Variants in ERLIN1 observed in about 807,000 individuals in gnomAD.
The protein encoded by ERLIN1 is ER lipid raft associated 1.
A neutral mutation model predicts 46.9 loss-of-function variants in ERLIN1; 24 were observed. The ratio of observed to expected loss-of-function variants is 0.51; its 90% CI spans 0.37 to 0.72. The LOEUF is 0.72. ERLIN1 is among the 30% of genes least tolerant of loss of function. The probability of loss-of-function intolerance (pLI) is 0.00; values close to 1 mark genes in which losing one functional copy is unlikely to be tolerated. For synonymous variants in ERLIN1, 158 were observed against 143.2 expected, an observed-to-expected ratio of 1.10 and a Z score of -0.74; for missense variants, 293 against 417.9, an observed-to-expected ratio of 0.70 and a Z score of 2.61.
intron 6 of ERLIN1, among the ~76,000 whole-genome samples, 152 bp from the exon 7 acceptor site, chr10:100,167,558 C>T (rs1464111931): frequency 6.6e-6 from 1 of 152,172 alleles, no homozygotes; most frequent in Non-Finnish European, 1.5e-5. Context: ...CCCACCAGAA[C>T]ATTTACTTTT....
rs952480866 is a variant in ERLIN1, at chr10:100,151,893, G to T, written c.*238C>A. On this transcript the variant is annotated 3_prime_UTR_variant, in exon 11 of 11. Coordinates refer to ENST00000421367, the MANE Select transcript of ERLIN1 (RefSeq NM_006459.4). The stretch of plus-strand genomic sequence containing the variant: ...AGCATCAGACTTTCCTCATTCATGA[G>T]TAGCAGTTTAGAAAGGAATACATAT... 3 of 543,902 alleles carry T rather than the reference G, an allele frequency of 5.5e-6. No homozygotes were observed. Among genetic ancestry groups the T allele is most frequent in the Non-Finnish European group, 1.0e-5 (3 of 299,654 alleles). The allele number at this position is 543,902 out of a possible 1,614,324, so 33.7% of individuals were successfully genotyped here.
intron 2 of ERLIN1, among the ~76,000 whole-genome samples, chr10:100,182,230 A>G (rs946724450): frequency 3.5e-4 from 47 of 135,800 alleles, no homozygotes; most frequent in African/African-American, 1.2e-3. Context: ...GAGTTTCCCC[A>G]TGTTGCCCAG....
intron 8 of ERLIN1, among the ~76,000 whole-genome samples, chr10:100,159,599 G>A (rs1181190736): frequency 6.6e-6 from 1 of 150,866 alleles, no homozygotes; most frequent in Admixed American, 6.6e-5. Flanking sequence ...TAGTAACACT[G>A]GAAATCAACA....
intron 6 of ERLIN1, among the ~76,000 whole-genome samples, chr10:100,170,866 G>A (rs1046710219): frequency 5.3e-5 from 8 of 152,190 alleles, no homozygotes; most frequent in African/African-American, 1.9e-4. Context: ...GAAGATCAAT[G>A]GAACAGAACT....
intron 7 of ERLIN1, 45 bp downstream of exon 7, chr10:100,167,303 G>C (rs756126708): frequency 3.7e-6 from 5 of 1,351,820 alleles, no homozygotes; most frequent in Non-Finnish European, 5.3e-6. Context: ...TTAATATGCA[G>C]ACAGCCCTAA....
At chr10:100,184,322 C>A (rs1339533470) in intron 1 of ERLIN1, among the ~76,000 whole-genome samples, 1 of 151,858 alleles carries the variant, frequency 6.6e-6, no homozygotes, top group Non-Finnish European at 1.5e-5. Flanking sequence ...AATTAAAATA[C>A]TGGGAACATA....
At chr10:100,152,894 A>G (rs968911775) in intron 10 of ERLIN1, among the ~76,000 whole-genome samples, 2 of 151,794 alleles carry the variant, frequency 1.3e-5, no homozygotes, top group African/African-American at 4.8e-5. Flanking sequence ...TCTGTTGCCC[A>G]GGCTGGAATA....
chr10:100,162,319 A>C (rs1254708348), intron 8 of ERLIN1, among the ~76,000 whole-genome samples: 1 of 152,214 alleles, frequency 6.6e-6, no homozygotes, highest in Non-Finnish European at 1.5e-5. Context: ...AGGGAAATTC[A>C]AATTGAAATT....
chr10:100,163,926 G>A, intron 8 of ERLIN1, 78 bp downstream of exon 8: 1 of 909,350 alleles, frequency 1.1e-6, no homozygotes, highest in Non-Finnish European at 1.7e-6. Context: ...TGAGTCCCAT[G>A]ATACCCAAAA....
intron 7 of ERLIN1, 46 bp downstream of exon 7, chr10:100,167,293 TTAATATGCA>T: frequency 7.9e-7 from 1 of 1,263,874 alleles, no homozygotes; most frequent in Non-Finnish European, 1.2e-6. Flanking sequence ...GACTGGAATA[TTAATATGCA>T]GACAGCCCTA....
intron 2 of ERLIN1, among the ~76,000 whole-genome samples, chr10:100,182,148 G>C (rs1041245629): frequency 6.7e-6 from 1 of 150,008 alleles, no homozygotes; most frequent in Non-Finnish European, 1.5e-5. Flanking sequence ...GGCAGAGACA[G>C]ATCTACCTGG....
intron 5 of ERLIN1, among the ~76,000 whole-genome samples, chr10:100,174,617 T>A (rs981275607): frequency 3.7e-4 from 56 of 152,314 alleles, no homozygotes; most frequent in Admixed American, 9.1e-4. Context: ...AATATGTTGA[T>A]CTAATAAATG....
intron 1 of ERLIN1, among the ~76,000 whole-genome samples, chr10:100,184,264 AAG>A (rs1310466914): frequency 6.6e-6 from 1 of 152,254 alleles, no homozygotes; most frequent in Non-Finnish European, 1.5e-5. Context: ...CTTTGAAGTA[AAG>A]AGAAAATTTC....
intron 1 of ERLIN1, among the ~76,000 whole-genome samples, chr10:100,184,590 G>A (rs1378029389): frequency 6.6e-6 from 1 of 152,174 alleles, no homozygotes; most frequent in Admixed American, 6.5e-5. Flanking sequence ...AAGGAAAGAT[G>A]AACTGTTTGA....
intron 1 of ERLIN1, 36 bp downstream of exon 1, chr10:100,185,478 G>A: frequency 6.7e-7 from 1 of 1,495,260 alleles, no homozygotes; most frequent in Non-Finnish European, 9.3e-7. Flanking sequence ...CTTTTAATCT[G>A]CTCTAGAGCC....
chr10:100,155,803 G>A (rs961475565), intron 9 of ERLIN1, among the ~76,000 whole-genome samples: 15 of 152,174 alleles, frequency 9.9e-5, no homozygotes, highest in South Asian at 2.1e-4. Context: ...CGTGAGCCAC[G>A]GCGCCCGGCC....
chr10:100,157,267 G>C (rs563652564), intron 8 of ERLIN1, among the ~76,000 whole-genome samples: 39 of 152,320 alleles, frequency 2.6e-4, no homozygotes, highest in African/African-American at 8.9e-4. Flanking sequence ...TCCAACTGCT[G>C]TAGGGAAATA....
intron 9 of ERLIN1, 97 bp from the exon 10 acceptor site, chr10:100,155,036 T>G (rs892297106): frequency 1.1e-5 from 11 of 1,041,810 alleles, no homozygotes; most frequent in Non-Finnish European, 1.6e-5. Flanking sequence ...TATTTCACAT[T>G]GAAAGTTTTA....
chr10:100,177,309 GAA>G (rs1393273764), intron 4 of ERLIN1, among the ~76,000 whole-genome samples: 4 of 151,796 alleles, frequency 2.6e-5, no homozygotes, highest in African/African-American at 9.7e-5. Flanking sequence ...GAAAGGAGAG[GAA>G]AAAAAGACAA....
Sources: gnomAD v4.1 joint callset for allele counts (sites outside exome capture counted in the v4.1 genomes callset) on GRCh38, gnomAD v4.1.1 for gene constraint, MANE v1.5 for transcripts, NCBI Gene and HGNC (gene_info 2026-07-23, HGNC 2026-07-21) for gene names.